Variants in DOCK9 observed in about 807,000 individuals in gnomAD.
DOCK9 encodes dedicator of cytokinesis protein 9.
A neutral mutation model predicts 263.3 loss-of-function variants in DOCK9; 89 were observed. The observed-to-expected ratio is 0.34, with a 90% CI of 0.28 to 0.40. DOCK9 has a LOEUF of 0.40. Among genes scored for constraint, DOCK9 ranks in the 10% least tolerant of loss-of-function variants. The probability of loss-of-function intolerance (pLI) is 1.00; values close to 1 mark genes in which losing one functional copy is unlikely to be tolerated. For synonymous variants in DOCK9, 976 were observed against 973.1 expected, an observed-to-expected ratio of 1.00 and a Z score of -0.06; for missense variants, 2,140 against 2,603.4, an observed-to-expected ratio of 0.82 and a Z score of 3.87.
rs561170216 is a variant in DOCK9 at position 99,061,183 on chromosome 13, G to GT, written c.129+25039dup. On this transcript the variant is annotated intron_variant, in intron 1 of 32. Coordinates refer to the DOCK9 transcript ENST00000427887. Reference sequence around the variant, plus strand: ...TGAGATAAAACAGTGAGCCCAAGCTGTTTCATTCCATAGAACACCTAAGCA... The same window carrying GT: ...TGAGATAAAACAGTGAGCCCAAGCTGTTTTCATTCCATAGAACACCTAAGCA... Among the ~76,000 whole-genome samples the GT allele has an allele frequency of 5.5e-3, 834 of 152,244 alleles. 4 individuals are homozygous for GT. Among genetic ancestry groups the GT allele is most frequent in the South Asian group, 8.3e-3 (40 of 4,830 alleles).
At chr13:98,843,555 C>T (rs558146562) in intron 38 of DOCK9, among the ~76,000 whole-genome samples, 3 of 152,142 alleles carry the variant, frequency 2.0e-5, no homozygotes, top group African/African-American at 7.2e-5. Context: ...TAGGAGATAA[C>T]AGAACCAATT....
chr13:98,865,420 G>A (rs1277817962), intron 30 of DOCK9, among the ~76,000 whole-genome samples: 4 of 152,154 alleles, frequency 2.6e-5, no homozygotes, highest in South Asian at 4.2e-4. Context: ...TATAGCACAC[G>A]AATAGACTAA....
rs980133211 is a variant in DOCK9, at chr13:98,827,001, C to A, written c.4966-114G>T. The A allele has an allele frequency of 2.2e-5, 15 of 685,334 alleles. No individual in the cohort carries two copies. The African/African-American group carries it at 2.7e-4, about 13-fold the overall frequency. 42.5% of individuals were successfully genotyped at this position (685,334 alleles called of 1,614,324 possible). ...AACGTATATATTAGATCTCAATGCA[C>A]CAGCTAGTATTTCTAATAGCTGATA... is the stretch of plus-strand genomic sequence containing the variant. On this transcript the variant is annotated intron_variant, in intron 43 of 52. Coordinates refer to ENST00000682017, the MANE Select transcript of DOCK9 (RefSeq NM_001366683.2).
chr13:98,979,307 T>C (rs796398415), upstream of DOCK9, among the ~76,000 whole-genome samples: 6 of 152,008 alleles, frequency 3.9e-5, no homozygotes, highest in African/African-American at 1.4e-4. Flanking sequence ...CAACAATAGG[T>C]GCCAGAGGAA....
chr13:98,882,308 G>A (rs2044912808), intron 23 of DOCK9, among the ~76,000 whole-genome samples: 1 of 152,148 alleles, frequency 6.6e-6, no homozygotes, highest in African/African-American at 2.4e-5. Flanking sequence ...AGGAGTCAGA[G>A]GGAGCTGGGA....
intron 1 of DOCK9, among the ~76,000 whole-genome samples, chr13:98,967,528 C>T (rs1273597510): frequency 6.6e-6 from 1 of 152,182 alleles, no homozygotes; most frequent in African/African-American, 2.4e-5. Context: ...CAGGACCTTC[C>T]CCATCACACA....
At chr13:98,983,321 G>A (rs1877666976) in intron 1 of DOCK9, among the ~76,000 whole-genome samples, 1 of 152,198 alleles carries the variant, frequency 6.6e-6, no homozygotes, top group Non-Finnish European at 1.5e-5. Context: ...GCTGGCCAAA[G>A]AAAAGGGGCC....
At chr13:98,888,257 C>T in intron 17 of DOCK9, 34 bp from the exon 18 acceptor site, 2 of 1,604,164 alleles carry the variant, frequency 1.2e-6, no homozygotes, top group Non-Finnish European at 1.7e-6. Flanking sequence ...TAAGAAAAAA[C>T]AACAGAAAGT....
chr13:98,860,245 G>T lies in DOCK9; in HGVS notation c.3697+160C>A, dbSNP rs2093821796. 12 of 1,460,970 alleles carry T rather than the reference G, an allele frequency of 8.2e-6. No individual in the cohort carries two copies. The South Asian group carries it at 1.7e-4, about 21-fold the overall frequency. 90.5% of individuals were successfully genotyped at this position (1,460,970 alleles called of 1,614,324 possible). On this transcript the variant is annotated intron_variant, in intron 33 of 52. Coordinates refer to ENST00000682017, the MANE Select transcript of DOCK9 (RefSeq NM_001366683.2). Reference sequence around the variant, plus strand: ...CTTTATTTCAGGGCATGGCTGAGGGGTTTCAGTTGTTGACTATCACAAGCA... The same window carrying T: ...CTTTATTTCAGGGCATGGCTGAGGGTTTTCAGTTGTTGACTATCACAAGCA...
chr13:98,944,799 A>C (rs1353046877), intron 2 of DOCK9, among the ~76,000 whole-genome samples: 1 of 152,236 alleles, frequency 6.6e-6, no homozygotes, highest in Admixed American at 6.5e-5. Context: ...CTCCTAGCCT[A>C]TCAGGCCTCC....
chr13:99,030,591 G>C (rs1414216680), intron 1 of DOCK9, among the ~76,000 whole-genome samples: 1 of 152,178 alleles, frequency 6.6e-6, no homozygotes, highest in Admixed American at 6.5e-5. Flanking sequence ...ACATTTTTAA[G>C]TTGAGAAAAT....
At chr13:98,922,332 C>T (rs148957407) in intron 5 of DOCK9, among the ~76,000 whole-genome samples, 186 bp from the exon 6 acceptor site, 241 of 152,266 alleles carry the variant, frequency 1.6e-3, no homozygotes, top group African/African-American at 5.6e-3. Context: ...AAGAGAGAGA[C>T]CCGCCTACAT....
rs1428994205 is a variant in DOCK9, at chr13:98,807,599, A to G, written c.5514+62T>C. The G allele has an allele frequency of 5.8e-6, 8 of 1,370,680 alleles. No individual in the cohort carries two copies. The Admixed American group carries it at 7.1e-5, about 12-fold the overall frequency. The allele number at this position is 1,370,680 out of a possible 1,614,324, so 84.9% of individuals were successfully genotyped here. On this transcript the variant is annotated intron_variant, in intron 48 of 52. Transcript: ENST00000682017. ...TTTTTTTCTATATACATTTAAAAATATATAATATGTAATCAATCACAACAT... is the reference window on the plus strand; with the variant it reads ...TTTTTTTCTATATACATTTAAAAATGTATAATATGTAATCAATCACAACAT...
intron 52 of DOCK9, among the ~76,000 whole-genome samples, 158 bp from the exon 53 acceptor site, chr13:98,794,906 T>C (rs1366876928): frequency 6.6e-6 from 1 of 152,208 alleles, no homozygotes; most frequent in Non-Finnish European, 1.5e-5. Flanking sequence ...AGTATAAGGA[T>C]GCAAGCAGAT....
At chr13:99,082,533 TAATAAATAAATA>T (rs377382167) in intron 1 of DOCK9, among the ~76,000 whole-genome samples, 5 of 101,472 alleles carry the variant, frequency 4.9e-5, no homozygotes, top group Admixed American at 2.1e-4. Context: ...AAAATAATAA[TAATAAATAAATA>T]AATAAATAAA....
chr13:98,862,033 C>G (rs993970410), intron 32 of DOCK9, among the ~76,000 whole-genome samples: 4 of 152,144 alleles, frequency 2.6e-5, no homozygotes, highest in African/African-American at 9.7e-5. Context: ...AGAACTACAC[C>G]TTTTTTGTGT....
At chr13:98,894,495 G>A (rs551901267) in intron 15 of DOCK9, among the ~76,000 whole-genome samples, 22 of 151,910 alleles carry the variant, frequency 1.4e-4, no homozygotes, top group Non-Finnish European at 2.2e-4. Context: ...AAAAAATATA[G>A]TAATACAGAT....
chr13:98,813,951 T>A (rs2091566575), intron 45 of DOCK9, among the ~76,000 whole-genome samples: 1 of 152,206 alleles, frequency 6.6e-6, no homozygotes, highest in South Asian at 2.1e-4. Flanking sequence ...TTCAATTTAC[T>A]AATATTTTAT....
rs139068974 is a variant in DOCK9 at position 98,806,443 on chromosome 13, A to G, written c.5514+1218T>C. ...TAATTGTATTTAACCTTCTAGAGCA[A>G]TAAAAAGGGACACAAAAGAAATGGC... On this transcript the variant is annotated intron_variant, in intron 48 of 52. Coordinates refer to ENST00000682017, the MANE Select transcript of DOCK9 (RefSeq NM_001366683.2). Among the ~76,000 whole-genome samples the G allele has an allele frequency of 2.7e-3, 413 of 152,364 alleles. 3 individuals carry two copies. Among genetic ancestry groups the G allele is most frequent in the African/African-American group, 9.1e-3 (380 of 41,586 alleles).
Sources: allele counts gnomAD v4.1 joint callset (sites outside exome capture counted in the v4.1 genomes callset), GRCh38; gene constraint gnomAD v4.1.1; transcripts MANE v1.5; gene names NCBI Gene and HGNC (gene_info 2026-07-23, HGNC 2026-07-21).